The following ZNF573 variants were observed in gnomAD, a reference collection of about 807,000 sequenced individuals.
The protein encoded by ZNF573 is zinc finger protein 573.
A neutral mutation model predicts 57.4 loss-of-function variants in ZNF573; 41 were observed. The ratio of observed to expected loss-of-function variants is 0.71; its 90% confidence interval spans 0.56 to 0.93. The LOEUF is 0.93. Ranked by LOEUF, ZNF573 falls within the 40% of genes least tolerant of loss-of-function variation. The pLI is 0.00. For missense variants in ZNF573, 730 were observed against 794.8 expected, an observed-to-expected ratio of 0.92 and a Z score of 0.98; for synonymous variants, 249 against 261.0, an observed-to-expected ratio of 0.95 and a Z score of 0.44.
At chr19:37,763,858 G>C (rs1363656825) in intron 4 of ZNF573, among the ~76,000 whole-genome samples, 1 of 152,054 alleles carries the variant, frequency 6.6e-6, no homozygotes, top group Non-Finnish European at 1.5e-5. Flanking sequence ...GAGTTTGGGA[G>C]TTCAAGACAA....
At chr19:37,740,329 GA>G in intron 4 of ZNF573, 135 bp from the exon 5 acceptor site, 3 of 785,306 alleles carry the variant, frequency 3.8e-6, no homozygotes, top group African/African-American at 1.7e-5. Flanking sequence ...TACGAAATTT[GA>G]AAAAGGCCAA....
chr19:37,753,253 G>A (rs934937065), intron 4 of ZNF573, among the ~76,000 whole-genome samples: 1 of 151,880 alleles, frequency 6.6e-6, no homozygotes, highest in Non-Finnish European at 1.5e-5. Context: ...TACAATGTAG[G>A]TGTATATATT....
chr19:37,757,050 A>G (rs1485312385), intron 4 of ZNF573, among the ~76,000 whole-genome samples: 1 of 151,874 alleles, frequency 6.6e-6, no homozygotes, highest in Non-Finnish European at 1.5e-5. Flanking sequence ...CATCTCAAGC[A>G]GAAGGATGAC....
rs755993645 is a variant in ZNF573 at position 37,740,073 on chromosome 19, A to G, written c.417T>C (p.Cys139=). 4.3e-6 allele frequency: 7 copies of G among 1,614,102 alleles called. No homozygotes were observed. The highest frequency in any genetic ancestry group is 5.9e-6 in the Non-Finnish European group (7 of 1,179,984). ...GATAACCACTACTAAATTTCTTCTGACATTTCTTACATTCATAGAGTTTCT... is the reference window on the plus strand; with the variant it reads ...GATAACCACTACTAAATTTCTTCTGGCATTTCTTACATTCATAGAGTTTCT... ...KREKLYECKK[C]QKKFSSGYQL... Residue 139 remains cysteine (C), a synonymous_variant, in exon 5 of 5, where the codon TGT becomes TGC. Transcript: ENST00000536220.
chr19:37,775,055 C>T (rs2045695490), intron 1 of ZNF573, among the ~76,000 whole-genome samples: 1 of 148,224 alleles, frequency 6.7e-6, no homozygotes, highest in African/African-American at 2.5e-5. Flanking sequence ...CTTGCTCTGT[C>T]ACCCAGGCTG....
In ZNF573 at chr19:37,757,356, C is replaced by T. The variant is rs183725274; in HGVS notation, c.295+12649G>A. On this transcript the variant is annotated intron_variant, in intron 4 of 4. Transcript: ENST00000536220. ...AGACTACAGGCGCCCGCCACCGCGC[C>T]CGGCTAATTTTTTGTATTTTTTTGT... is the stretch of plus-strand genomic sequence containing the variant. Among the ~76,000 whole-genome samples the T allele has an allele frequency of 6.0e-3, 910 of 152,174 alleles. 2 individuals are homozygous for T. Among genetic ancestry groups the T allele is most frequent in the Non-Finnish European group, 0.01 (711 of 68,014 alleles).
intron 4 of ZNF573, among the ~76,000 whole-genome samples, chr19:37,741,825 G>A (rs556923731): frequency 2.9e-4 from 44 of 152,240 alleles, no homozygotes; most frequent in African/African-American, 9.6e-4. Flanking sequence ...GTTCTGGCCA[G>A]GGCAATCAGG....
At chr19:37,745,346 GTGTT>G (rs1446653723) in intron 4 of ZNF573, among the ~76,000 whole-genome samples, 3 of 151,874 alleles carry the variant, frequency 2.0e-5, no homozygotes, top group Admixed American at 6.6e-5. Context: ...GCCTCCCAAA[GTGTT>G]AGGATTACAG....
chr19:37,766,972 A>C (rs561154368), intron 4 of ZNF573, among the ~76,000 whole-genome samples: 3 of 152,222 alleles, frequency 2.0e-5, no homozygotes, highest in Non-Finnish European at 2.9e-5. Flanking sequence ...TATTTAATTT[A>C]TACTATAACT....
At chr19:37,761,208 A>AG in intron 4 of ZNF573, among the ~76,000 whole-genome samples, 1 of 152,208 alleles carries the variant, frequency 6.6e-6, no homozygotes, top group African/African-American at 2.4e-5. Flanking sequence ...AAAGGAAAAA[A>AG]AAAGAACTGG....
intron 4 of ZNF573, chr19:37,758,364 GC>G (rs1387751586): frequency 6.8e-6 from 1 of 147,678 alleles, no homozygotes. Context: ...ACTTTGGGAG[GC>G]AGGGGTGGGT....
At chr19:37,749,678 A>G (rs913036766) in intron 4 of ZNF573, among the ~76,000 whole-genome samples, 1 of 152,182 alleles carries the variant, frequency 6.6e-6, no homozygotes, top group Non-Finnish European at 1.5e-5. Flanking sequence ...AAAACGGCAG[A>G]TATTTTATTT....
At position 37,764,566 on chromosome 19, in the gene ZNF573, G is replaced by A. The variant is rs570570336; in HGVS notation, c.295+5439C>T. Among the ~76,000 whole-genome samples the A allele has an allele frequency of 6.6e-5, 10 of 150,476 alleles. No homozygotes were observed. The East Asian group carries it at 1.8e-3, about 27-fold the overall frequency. On this transcript the variant is annotated intron_variant, in intron 4 of 4. Coordinates refer to ENST00000536220, the MANE Select transcript of ZNF573 (RefSeq NM_001172690.2). ...GATCTCTTGACCTCGTGATCTGCCCGCCTTGGCCTCCCAAAGTGCTGGCAT... is the reference window on the plus strand; with the variant it reads ...GATCTCTTGACCTCGTGATCTGCCCACCTTGGCCTCCCAAAGTGCTGGCAT...
At chr19:37,747,037 A>G (rs992162756) in intron 4 of ZNF573, among the ~76,000 whole-genome samples, 1 of 152,250 alleles carries the variant, frequency 6.6e-6, no homozygotes, top group African/African-American at 2.4e-5. Flanking sequence ...AGGGTATTAA[A>G]TGAACATAGG....
intron 4 of ZNF573, among the ~76,000 whole-genome samples, chr19:37,746,548 TAC>T (rs2045384262): frequency 6.6e-6 from 1 of 152,122 alleles, no homozygotes; most frequent in African/African-American, 2.4e-5. Flanking sequence ...TATGTAAGCA[TAC>T]ATCGGCGAAT....
At chr19:37,763,838 C>A (rs1046424594) in intron 4 of ZNF573, among the ~76,000 whole-genome samples, 1 of 151,974 alleles carries the variant, frequency 6.6e-6, no homozygotes, top group African/African-American at 2.4e-5. Context: ...CCAAGGTGGG[C>A]AGGTCACCTG....
chr19:37,739,748 A>T lies in ZNF573; in HGVS notation c.742T>A (p.Cys248Ser). 8.1e-6 allele frequency: 13 copies of T among 1,614,028 alleles called. No individual in the cohort carries two copies. Among genetic ancestry groups the T allele is most frequent in the Non-Finnish European group, 1.1e-5 (13 of 1,179,958 alleles). Reference protein sequence around the residue: ...RIHTGGKPYECQECGRAFSQG... With the variant: ...RIHTGGKPYESQECGRAFSQG... Reference sequence around the variant, plus strand: ...CTAAAGGCCCTCCCACACTCCTGACATTCATACGGCTTCCCACCAGTGTGA... The same window carrying T: ...CTAAAGGCCCTCCCACACTCCTGACTTTCATACGGCTTCCCACCAGTGTGA... Residue 248 changes from cysteine (C) to serine (S), a missense_variant, in exon 5 of 5, where the codon TGT (cysteine) becomes AGT (serine). Transcript: ENST00000536220.
At chr19:37,763,561 CA>C (rs200953554) in intron 4 of ZNF573, among the ~76,000 whole-genome samples, 4,033 of 147,820 alleles carry the variant, frequency 0.027, 185 homozygotes, top group African/African-American at 0.094. Flanking sequence ...GAGACTGTCT[CA>C]AAAAAAACAA....
Position 37,739,852 on chromosome 19 carries a change from G to A in ZNF573, c.638C>T (p.Thr213Ile). The A allele has an allele frequency of 1.9e-6, 3 of 1,613,896 alleles. No individual in the cohort carries two copies. Among genetic ancestry groups the A allele is most frequent in the South Asian group, 1.1e-5 (1 of 91,068 alleles). The change falls in exon 5 of 5, where the codon ACT (threonine) becomes ATT (isoleucine). Residue 213 changes from threonine (T) to isoleucine (I), a missense_variant. Thr to Ile is a moderately conservative substitution (Grantham distance 89). Coordinates refer to ENST00000536220, the MANE Select transcript of ZNF573 (RefSeq NM_001172690.2). Reference sequence around the variant, plus strand: ...CCTACATTCATAGGTTTTCTCACCAGTATGAAATCTCTGATGCACAGTCAG... The same window carrying A: ...CCTACATTCATAGGTTTTCTCACCAATATGAAATCTCTGATGCACAGTCAG... ...YQLTVHQRFH[T>I]GEKTYECRQC...
Sources: allele counts gnomAD v4.1 joint callset (sites outside exome capture counted in the v4.1 genomes callset), GRCh38; gene constraint gnomAD v4.1.1; transcripts MANE v1.5; gene names NCBI Gene and HGNC (gene_info 2026-07-23, HGNC 2026-07-21).